PROM1: variants seen among roughly 807,000 people sequenced by gnomAD.
PROM1 encodes prominin 1.
In PROM1, 105 loss-of-function variants were observed where a neutral mutation model predicts 116.9. That is an observed-to-expected ratio of 0.90 (90% CI 0.77 to 1.06). The LOEUF is 1.06. Among genes scored for constraint, PROM1 ranks in the 50% least tolerant of loss-of-function variants. PROM1 has a pLI of 0.00. For missense variants in PROM1, 1,122 were observed against 1,045.2 expected, an observed-to-expected ratio of 1.07 and a Z score of -1.01; for synonymous variants, 393 against 387.0, an observed-to-expected ratio of 1.02 and a Z score of -0.18.
chr4:16,058,982 G>T (rs1163474576), intron 2 of PROM1, among the ~76,000 whole-genome samples: 1 of 152,122 alleles, frequency 6.6e-6, no homozygotes, highest in Non-Finnish European at 1.5e-5. Context: ...AGGTACCTTG[G>T]GAATGGGCTA....
chr4:16,061,781 AAAG>A (rs1740365211), intron 2 of PROM1, among the ~76,000 whole-genome samples: 1 of 152,178 alleles, frequency 6.6e-6, no homozygotes, highest in Non-Finnish European at 1.5e-5. Flanking sequence ...TGAAGCCTCT[AAAG>A]AAGGATCTGT....
In PROM1 at chr4:16,037,769, T is replaced by G. The variant is rs184645080; in HGVS notation, c.276+1177A>C. ...ACATTCAGTGCTACACACTTTTGTCTGTTTGCTTCATGGGCAACCTACAGT... is the reference window on the plus strand; with the variant it reads ...ACATTCAGTGCTACACACTTTTGTCGGTTTGCTTCATGGGCAACCTACAGT... On this transcript the variant is annotated intron_variant, in intron 3 of 27. Coordinates refer to ENST00000447510, the MANE Select transcript of PROM1 (RefSeq NM_006017.3). Among the ~76,000 whole-genome samples, 105 of 152,316 alleles carry G rather than the reference T, an allele frequency of 6.9e-4. 2 individuals are homozygous for G. Among genetic ancestry groups the G allele is most frequent in the African/African-American group, 2.4e-3 (100 of 41,574 alleles).
chr4:16,034,537 T>C (rs1169981724), intron 4 of PROM1, among the ~76,000 whole-genome samples: 3 of 152,320 alleles, frequency 2.0e-5, no homozygotes, highest in East Asian at 1.9e-4. Flanking sequence ...AATTTCTAGA[T>C]ACAATCATGT....
intron 10 of PROM1, among the ~76,000 whole-genome samples, chr4:16,015,744 A>T (rs2677790): frequency 2.0e-5 from 3 of 151,922 alleles, no homozygotes; most frequent in Non-Finnish European, 4.4e-5. Flanking sequence ...CTACTTGGAG[A>T]GGGGAAAAGA....
intron 13 of PROM1, among the ~76,000 whole-genome samples, chr4:16,001,197 G>A (rs1385262365): frequency 3.3e-5 from 5 of 152,146 alleles, no homozygotes; most frequent in Admixed American, 3.3e-4. Flanking sequence ...GAGGCAGCAG[G>A]ACTCGGAAAG....
intron 25 of PROM1, 104 bp downstream of exon 25, chr4:15,979,777 A>G (rs1717282381): frequency 1.2e-5 from 14 of 1,120,572 alleles, no homozygotes; most frequent in Non-Finnish European, 1.6e-5. Context: ...TGCTGTTTCT[A>G]CATAATTTTA....
chr4:15,982,316 G>A (rs1291227437), intron 23 of PROM1, among the ~76,000 whole-genome samples: 1 of 152,152 alleles, frequency 6.6e-6, no homozygotes, highest in Non-Finnish European at 1.5e-5. Flanking sequence ...GAATTACAGA[G>A]GTGGCACCAC....
chr4:16,012,598 C>T lies in PROM1; in HGVS notation c.1141+677G>A, dbSNP rs891236719. Among the ~76,000 whole-genome samples the T allele has an allele frequency of 3.3e-5, 5 of 152,146 alleles. No homozygotes were observed. The South Asian group carries it at 6.2e-4, about 19-fold the overall frequency. ...TAAAAAGTTTGATTTTGGCCAGGCA[C>T]GGTGGCTCACGCCTATAATCCCAGC... On this transcript the variant is annotated intron_variant, in intron 11 of 27. Coordinates refer to ENST00000447510, the MANE Select transcript of PROM1 (RefSeq NM_006017.3).
At chr4:16,055,781 T>C (rs926752252) in intron 2 of PROM1, among the ~76,000 whole-genome samples, 1 of 152,222 alleles carries the variant, frequency 6.6e-6, no homozygotes, top group Non-Finnish European at 1.5e-5. Context: ...AACACATTAC[T>C]AGTGGTGGCA....
At chr4:16,025,996 C>T (rs1409065798) in intron 5 of PROM1, among the ~76,000 whole-genome samples, 2 of 152,118 alleles carry the variant, frequency 1.3e-5, no homozygotes, top group Admixed American at 6.5e-5. Context: ...AGTGGTTATG[C>T]CCAGAGCAGG....
intron 2 of PROM1, among the ~76,000 whole-genome samples, chr4:16,064,426 G>A (rs1022079218): frequency 2.0e-5 from 3 of 152,246 alleles, no homozygotes; most frequent in South Asian, 4.1e-4. Flanking sequence ...AAAGTCAGGC[G>A]GGCGTTACCC....
chr4:16,042,675 G>A (rs1037330777), intron 2 of PROM1, among the ~76,000 whole-genome samples: 2 of 152,116 alleles, frequency 1.3e-5, no homozygotes, highest in African/African-American at 2.4e-5. Flanking sequence ...TAATTCACAT[G>A]GTTCCAGATT....
chr4:16,010,480 G>A (rs773487175), intron 11 of PROM1, among the ~76,000 whole-genome samples: 5 of 152,124 alleles, frequency 3.3e-5, no homozygotes, highest in African/African-American at 9.7e-5. Context: ...GGTCCAAAAC[G>A]TAATCACATA....
chr4:16,044,484 G>A (rs567696370), intron 2 of PROM1, among the ~76,000 whole-genome samples: 24 of 152,252 alleles, frequency 1.6e-4, no homozygotes, highest in African/African-American at 4.1e-4. Context: ...GCCTCTCTGC[G>A]GAGAGACCAC....
intron 22 of PROM1, among the ~76,000 whole-genome samples, chr4:15,984,737 T>C (rs1164580149): frequency 6.6e-6 from 1 of 152,264 alleles, no homozygotes; most frequent in African/African-American, 2.4e-5. Context: ...CTTATGAGAA[T>C]CTAATGCCTG....
intron 2 of PROM1, among the ~76,000 whole-genome samples, chr4:16,048,217 T>C (rs1281257117): frequency 1.3e-5 from 2 of 152,182 alleles, no homozygotes; most frequent in African/African-American, 4.8e-5. Flanking sequence ...AAATAAGTGA[T>C]TCTGGGGGGA....
rs200730261 is a variant in PROM1 at position 15,970,168 on chromosome 4, CTT to C, written c.*25-802_*25-801del. Among the ~76,000 whole-genome samples, 430 of 139,370 alleles carry C rather than the reference CTT, an allele frequency of 3.1e-3. 11 individuals carry two copies. In the East Asian group the frequency reaches 0.059, roughly 19 times the overall value. 91.4% of individuals were successfully genotyped at this position (139,370 alleles called of 152,430 possible). ...CTAAAAAAACACTTTCTTTTCTTTT[CTT>C]TTTTTTTTTTTTTGTGATGGAGTCT... On this transcript the variant is annotated intron_variant, in intron 27 of 27. Transcript: ENST00000447510.
chr4:15,977,375 G>T lies in PROM1; in HGVS notation c.2582+2020C>A, dbSNP rs374461403. Among the ~76,000 whole-genome samples the T allele has an allele frequency of 3.9e-5, 6 of 152,272 alleles. No homozygotes were observed. The East Asian group carries it at 9.7e-4, about 25-fold the overall frequency. On this transcript the variant is annotated intron_variant, in intron 26 of 27. Transcript: ENST00000447510. The stretch of plus-strand genomic sequence containing the variant: ...TTGAGAACAGCTGTCCTCTGATCTT[G>T]AAAATTTCAGTCCATATATATAAGA...
At chr4:15,970,220 C>T (rs1714102717) in intron 27 of PROM1, among the ~76,000 whole-genome samples, 2 of 149,722 alleles carry the variant, frequency 1.3e-5, no homozygotes, top group Admixed American at 6.7e-5. Flanking sequence ...CGCTGGAGTG[C>T]AGTGGTGTGA....
Sources: allele counts gnomAD v4.1 joint callset (sites outside exome capture counted in the v4.1 genomes callset), GRCh38; gene constraint gnomAD v4.1.1; transcripts MANE v1.5; gene names NCBI Gene and HGNC (gene_info 2026-07-23, HGNC 2026-07-21).